The following MTMR8 variants were observed in gnomAD, a reference collection of about 807,000 sequenced individuals.
MTMR8 encodes the protein myotubularin related protein 8.
A neutral mutation model predicts 39.3 loss-of-function variants in MTMR8; 65 were observed. The ratio of observed to expected loss-of-function variants is 1.65; its 90% CI spans 1.35 to 2.03. The LOEUF (loss-of-function observed/expected upper bound fraction) is 2.03, where lower values mean the gene tolerates loss of function less well. MTMR8 is among the 30% of genes most tolerant of loss of function. MTMR8 has a pLI of 0.00. For missense variants in MTMR8, 777 were observed against 538.9 expected, an observed-to-expected ratio of 1.44 and a Z score of -4.37; for synonymous variants, 245 against 185.2, an observed-to-expected ratio of 1.32 and a Z score of -2.62.
In MTMR8 at chrX:64,384,126, G is replaced by A. The variant is rs182243085; in HGVS notation, c.24+11214C>T. On this transcript the variant is annotated intron_variant, in intron 1 of 13. Transcript: ENST00000374852. ...CCCCATGCAAGTACAAAACCCAGCA[G>A]AGCAGTCATTAAAACTTAAAACTCC... is the stretch of plus-strand genomic sequence containing the variant. Among the ~76,000 whole-genome samples, 162 of 112,030 alleles carry A rather than the reference G, an allele frequency of 1.4e-3. 2 individuals are homozygous for A. Among genetic ancestry groups the A allele is most frequent in the Middle Eastern group, 4.6e-3 (1 of 217 alleles).
intron 12 of MTMR8, among the ~76,000 whole-genome samples, chrX:64,317,060 C>T (rs1281122104): frequency 9.9e-6 from 1 of 101,083 alleles, no homozygotes; most frequent in Non-Finnish European, 2.0e-5. Flanking sequence ...TGCAGTGAGC[C>T]GAGATCATGC....
chrX:64,393,314 A>G (rs919785171), intron 1 of MTMR8, among the ~76,000 whole-genome samples: 1 of 112,087 alleles, frequency 8.9e-6, no homozygotes, highest in African/African-American at 3.2e-5. Context: ...TATTGAACAC[A>G]GTGCCTGTCA....
intron 1 of MTMR8, among the ~76,000 whole-genome samples, chrX:64,376,866 G>T (rs1457371548): frequency 1.8e-5 from 2 of 112,186 alleles, no homozygotes; most frequent in Non-Finnish European, 3.8e-5. Context: ...CGGAGGCCCA[G>T]GAGTGAATCA....
chrX:64,337,533 T>C, intron 8 of MTMR8, 140 bp from the exon 9 acceptor site: 2 of 600,437 alleles, frequency 3.3e-6, no homozygotes, highest in Non-Finnish European at 5.1e-6. Context: ...AACATTAACA[T>C]CCTCTATGGG....
chrX:64,371,340 G>C (rs1393410212), intron 1 of MTMR8, among the ~76,000 whole-genome samples: 1 of 112,155 alleles, frequency 8.9e-6, no homozygotes, highest in Non-Finnish European at 1.9e-5. Context: ...AGTAATGACA[G>C]AAATGCTAAT....
chrX:64,387,784 G>A (rs1472051460), intron 1 of MTMR8, among the ~76,000 whole-genome samples: 4 of 108,062 alleles, frequency 3.7e-5, no homozygotes, highest in African/African-American at 1.4e-4. Context: ...AAAAAAGAAG[G>A]GAGGAGAGAG....
intron 12 of MTMR8, among the ~76,000 whole-genome samples, chrX:64,283,098 C>A (rs1921018852): frequency 8.9e-6 from 1 of 111,965 alleles, no homozygotes; most frequent in Admixed American, 9.4e-5. Context: ...TGACAGATGG[C>A]ACCTGGAATT....
In MTMR8 at chrX:64,290,068, A is replaced by G. The variant is rs778974705; in HGVS notation, c.1482-18995T>C. Among the ~76,000 whole-genome samples the G allele has an allele frequency of 2.7e-5, 3 of 110,968 alleles. No homozygotes were observed. The South Asian group carries it at 1.1e-3, about 42-fold the overall frequency. On this transcript the variant is annotated intron_variant, in intron 12 of 13. Transcript: ENST00000374852. Reference sequence around the variant, plus strand: ...GTAGGGTTTCAGATGAAAAAGTTCTAAAGATTGACCTAACACTACTGAATT... The same window carrying G: ...GTAGGGTTTCAGATGAAAAAGTTCTGAAGATTGACCTAACACTACTGAATT...
chrX:64,373,053 T>C lies in MTMR8; in HGVS notation c.25-13526A>G, dbSNP rs971616807. 2.7e-5 allele frequency among the ~76,000 whole-genome samples: 3 copies of C among 111,814 alleles called. No individual in the cohort carries two copies. The Admixed American group carries it at 2.9e-4, about 11-fold the overall frequency. On this transcript the variant is annotated intron_variant, in intron 1 of 13. Coordinates refer to ENST00000374852, the MANE Select transcript of MTMR8 (RefSeq NM_017677.4). ...GATAAACACTGTGCTATACTCTACA[T>C]GTTATCTCATTTAATCCTCATAATA...
intron 10 of MTMR8, among the ~76,000 whole-genome samples, chrX:64,333,896 T>G (rs1342152560): frequency 8.9e-6 from 1 of 111,832 alleles, no homozygotes; most frequent in African/African-American, 3.3e-5. Context: ...TTATGTTTCT[T>G]CTTTCCTATC....
chrX:64,302,411 G>A (rs890357660), intron 12 of MTMR8, among the ~76,000 whole-genome samples: 7 of 112,447 alleles, frequency 6.2e-5, no homozygotes, highest in South Asian at 3.7e-4. Context: ...GCAATGCCTC[G>A]CCCTGCTTCG....
intron 10 of MTMR8, 53 bp from the exon 11 acceptor site, chrX:64,331,810 C>T (rs1922949852): frequency 9.7e-7 from 1 of 1,034,935 alleles, no homozygotes. Flanking sequence ...TTAAGGATTA[C>T]ACTGTTGGGA....
intron 11 of MTMR8, among the ~76,000 whole-genome samples, chrX:64,330,243 C>T (rs754374052): frequency 2.2e-4 from 25 of 111,470 alleles, no homozygotes; most frequent in East Asian, 8.4e-4. Context: ...TGTTTTAACG[C>T]GTAGGTAAAC....
intron 12 of MTMR8, among the ~76,000 whole-genome samples, chrX:64,325,620 T>C (rs1420913808): frequency 8.9e-6 from 1 of 111,848 alleles, no homozygotes; most frequent in African/African-American, 3.3e-5. Context: ...ATACATTATG[T>C]ATAGAAAGTA....
intron 12 of MTMR8, among the ~76,000 whole-genome samples, chrX:64,293,460 T>C (rs1423196974): frequency 9.0e-6 from 1 of 111,205 alleles, no homozygotes; most frequent in East Asian, 2.9e-4. Flanking sequence ...GGGCCCAAAT[T>C]GGATGTTCTC....
intron 12 of MTMR8, among the ~76,000 whole-genome samples, chrX:64,324,192 C>A (rs1386653819): frequency 1.8e-5 from 2 of 110,819 alleles, no homozygotes; most frequent in African/African-American, 6.6e-5. Flanking sequence ...AGCAAGACCT[C>A]ATCTCTACAA....
At position 64,395,382 on chromosome X, in the gene MTMR8, C is replaced by G. The variant is rs900898171; in HGVS notation, c.-19G>C. ...GATCCATGACTGCAGTTCCCGCCACCGGAAGATCTCAGTGCTACTCCAGAT... is the reference window on the plus strand; with the variant it reads ...GATCCATGACTGCAGTTCCCGCCACGGGAAGATCTCAGTGCTACTCCAGAT... On this transcript the variant is annotated 5_prime_UTR_variant, in exon 1 of 14. Coordinates refer to ENST00000374852, the MANE Select transcript of MTMR8 (RefSeq NM_017677.4). 1 of 1,206,185 alleles carries G rather than the reference C, an allele frequency of 8.3e-7. No homozygotes were observed. The highest frequency in any genetic ancestry group is 1.1e-6 in the Non-Finnish European group (1 of 893,378).
At position 64,345,103 on chromosome X, in the gene MTMR8, T is replaced by G. The variant is rs1474023517; in HGVS notation, c.807A>C (p.Arg269Ser). Residue 269 changes from arginine to serine, a missense_variant, in exon 7 of 14, where the codon AGA (arginine) becomes AGC (serine). By Grantham distance (110) the Arg-to-Ser change is moderately radical (BLOSUM62 -1). Transcript: ENST00000374852. Reference protein sequence around the residue: ...NEDNYANIRFRFMGIENIHVM... With the variant: ...NEDNYANIRFSFMGIENIHVM... ...CATGGATGTTCTCAATGCCCATGAA[T>G]CTGAAGCGAATGTTGGCATAGTTGT... is the stretch of plus-strand genomic sequence containing the variant. 4 of 1,211,090 alleles carry G rather than the reference T, an allele frequency of 3.3e-6. No homozygotes were observed. In the South Asian group the frequency reaches 7.0e-5, roughly 21 times the overall value.
chrX:64,316,410 C>A lies in MTMR8; in HGVS notation c.1481+12362G>T, dbSNP rs183639442. Among the ~76,000 whole-genome samples the A allele has an allele frequency of 7.7e-3, 856 of 111,504 alleles. 5 individuals carry two copies. The highest frequency in any genetic ancestry group is 8.7e-3 in the Non-Finnish European group (460 of 53,072). On this transcript the variant is annotated intron_variant, in intron 12 of 13. Transcript: ENST00000374852. The stretch of plus-strand genomic sequence containing the variant: ...ACCTGTAATACCAGTACTTTGGGAG[C>A]CCAAGGTGGGCAAATCACTTAAGCT...
Sources: allele counts gnomAD v4.1 joint callset (sites outside exome capture counted in the v4.1 genomes callset), GRCh38; gene constraint gnomAD v4.1.1; transcripts MANE v1.5; gene names NCBI Gene and HGNC (gene_info 2026-07-23, HGNC 2026-07-21).